CDC37L1: variants seen among roughly 807,000 people sequenced by gnomAD.
CDC37L1 encodes hsp90 co-chaperone Cdc37-like 1.
A neutral mutation model predicts 45.9 loss-of-function variants in CDC37L1; 32 were observed. The ratio of observed to expected loss-of-function variants is 0.70; its 90% CI spans 0.53 to 0.94. CDC37L1 has a LOEUF of 0.94. CDC37L1 is among the 40% of genes least tolerant of loss of function. CDC37L1 has a pLI of 0.00. For synonymous variants in CDC37L1, 150 were observed against 133.0 expected (o/e 1.13, Z -0.88); for missense variants, 434 against 405.7 (o/e 1.07, Z -0.60).
Position 4,694,960 on chromosome 9 carries a change from A to G in CDC37L1, c.509-2136A>G, listed in dbSNP as rs116326913. On this transcript the variant is annotated intron_variant, in intron 3 of 6. Coordinates refer to ENST00000381854, the MANE Select transcript of CDC37L1 (RefSeq NM_017913.4). ...CCTTTCATGTTATCCTTCCTGCAAA[A>G]TAAACCAGAATGGATAAGGCTTTTG... is the stretch of plus-strand genomic sequence containing the variant. Among the ~76,000 whole-genome samples, 180 of 152,318 alleles carry G rather than the reference A, an allele frequency of 1.2e-3. 2 individuals are homozygous for G. The highest frequency in any genetic ancestry group is 4.0e-3 in the African/African-American group (168 of 41,574).
chr9:4,687,202 C>T (rs761214683), intron 2 of CDC37L1, among the ~76,000 whole-genome samples: 2 of 151,924 alleles, frequency 1.3e-5, no homozygotes, highest in African/African-American at 4.8e-5. Context: ...GTGATGATAA[C>T]GGGGTATAAA....
At chr9:4,701,693 T>C (rs1278343846) in intron 5 of CDC37L1, among the ~76,000 whole-genome samples, 171 bp from the exon 6 acceptor site, 1 of 152,210 alleles carries the variant, frequency 6.6e-6, no homozygotes, top group African/African-American at 2.4e-5. Flanking sequence ...AATGTTCCTA[T>C]AAATCAGGTA....
At chr9:4,694,256 T>G (rs1841326678) in intron 3 of CDC37L1, among the ~76,000 whole-genome samples, 1 of 152,126 alleles carries the variant, frequency 6.6e-6, no homozygotes, top group African/African-American at 2.4e-5. Flanking sequence ...ATTATCTCAT[T>G]TTGTGTGGAG....
chr9:4,699,437 C>A (rs1434421598), intron 5 of CDC37L1, among the ~76,000 whole-genome samples: 1 of 152,096 alleles, frequency 6.6e-6, no homozygotes, highest in Non-Finnish European at 1.5e-5. Context: ...CCTGTATATT[C>A]ATTCTGTAAA....
rs1313029477 is a variant in CDC37L1, at chr9:4,682,329, A to ATTT, written c.132+2443_132+2445dup. Among the ~76,000 whole-genome samples the ATTT allele has an allele frequency of 2.4e-4, 22 of 92,846 alleles. 2 individuals are homozygous for ATTT. Among genetic ancestry groups the ATTT allele is most frequent in the African/African-American group, 1.1e-3 (19 of 16,556 alleles). 60.9% of individuals were successfully genotyped at this position (92,846 alleles called of 152,430 possible). A position where few individuals can be genotyped will look rare whatever the true frequency, so the allele number is the denominator to read the frequency against. On this transcript the variant is annotated intron_variant, in intron 1 of 6. Transcript: ENST00000381854. ...AGGTGCCCACCACTGTGCCCAGCTA[A>ATTT]TTTTTTTTTTTTTTTGAGATGGAGT... is the stretch of plus-strand genomic sequence containing the variant.
At chr9:4,693,776 T>C (rs1841322412) in intron 3 of CDC37L1, among the ~76,000 whole-genome samples, 1 of 152,244 alleles carries the variant, frequency 6.6e-6, no homozygotes, top group South Asian at 2.1e-4. Context: ...ATCGAGTATT[T>C]ACTATGTCTC....
chr9:4,704,645 T>G (rs965485440), intron 6 of CDC37L1, among the ~76,000 whole-genome samples: 13 of 152,220 alleles, frequency 8.5e-5, no homozygotes, highest in African/African-American at 3.1e-4. Context: ...GTCTTAAAGC[T>G]GTTTTTTTGG....
At position 4,706,591 on chromosome 9, in the gene CDC37L1, A is replaced by T. The variant is rs1841444263; in HGVS notation, c.*479A>T. On this transcript the variant is annotated 3_prime_UTR_variant, in exon 7 of 7. Transcript: ENST00000381854. ...TTCATCACATTAAAAGCAATAAATCAGTAGTTGGTAATGTACTTTACTAAA... is the reference window on the plus strand; with the variant it reads ...TTCATCACATTAAAAGCAATAAATCTGTAGTTGGTAATGTACTTTACTAAA... 6.5e-6 allele frequency: 1 copy of T among 152,910 alleles called. No individual in the cohort carries two copies. Among genetic ancestry groups the T allele is most frequent in the African/African-American group, 2.4e-5 (1 of 41,466 alleles). The allele number at this position is 152,910 out of a possible 1,614,324, so 9.5% of individuals were successfully genotyped here. A position where few individuals can be genotyped will look rare whatever the true frequency, so the allele number is the denominator to read the frequency against.
chr9:4,698,697 G>C (rs755156282), intron 5 of CDC37L1, among the ~76,000 whole-genome samples: 11 of 152,058 alleles, frequency 7.2e-5, no homozygotes, highest in Non-Finnish European at 1.5e-4. Context: ...TCTCAAGGTG[G>C]GGTCCAGGAA....
chr9:4,694,232 G>T (rs924650365), intron 3 of CDC37L1, among the ~76,000 whole-genome samples: 1 of 152,158 alleles, frequency 6.6e-6, no homozygotes, highest in Admixed American at 6.5e-5. Flanking sequence ...AGTGTACTCC[G>T]CCATGCCTGG....
intron 5 of CDC37L1, among the ~76,000 whole-genome samples, chr9:4,701,130 G>T (rs1428519461): frequency 6.6e-6 from 1 of 152,166 alleles, no homozygotes; most frequent in African/African-American, 2.4e-5. Flanking sequence ...CATTTGACAA[G>T]ATCTCTTCCA....
intron 2 of CDC37L1, among the ~76,000 whole-genome samples, chr9:4,686,226 T>C (rs1166428711): frequency 4.6e-5 from 7 of 152,182 alleles, no homozygotes; most frequent in Non-Finnish European, 8.8e-5. Flanking sequence ...ACTTTTTTAA[T>C]TGCCTTTCCC....
chr9:4,684,592 A>T (rs1841229368), intron 1 of CDC37L1, among the ~76,000 whole-genome samples: 1 of 152,202 alleles, frequency 6.6e-6, no homozygotes, highest in Admixed American at 6.5e-5. Context: ...GAAGACTATT[A>T]ATTAAACGTT....
chr9:4,704,499 T>C (rs1841426129), intron 6 of CDC37L1, among the ~76,000 whole-genome samples: 1 of 152,334 alleles, frequency 6.6e-6, no homozygotes, highest in African/African-American at 2.4e-5. Flanking sequence ...CTTAGGAAGA[T>C]GGGTGGATGA....
In CDC37L1 at chr9:4,701,893, CA is replaced by C; in HGVS notation, c.782del (p.Asn261MetfsTer10). 1 of 1,601,404 alleles carries C rather than the reference CA, an allele frequency of 6.2e-7. No individual in the cohort carries two copies. The highest frequency in any genetic ancestry group is 1.7e-5 in the Admixed American group (1 of 57,998). The part of the protein sequence containing the change: ...AEEEGYFEAF[K>X]NELEAFKSRV... ...AGGAAGAAGGTTATTTTGAAGCATT[CA>C]AAAATGAACTTGAAGCTTTCAAGTC... On this transcript the variant is annotated frameshift_variant, in exon 6 of 7. Coordinates refer to ENST00000381854, the MANE Select transcript of CDC37L1 (RefSeq NM_017913.4). LOFTEE classifies it high-confidence loss of function.
chr9:4,691,618 C>A (rs1841301754), intron 3 of CDC37L1, among the ~76,000 whole-genome samples: 1 of 151,828 alleles, frequency 6.6e-6, no homozygotes, highest in South Asian at 2.1e-4. Flanking sequence ...GGCTTTACAC[C>A]CATGTTTCTC....
Position 4,684,743 on chromosome 9 carries a change from C to A in CDC37L1, c.133-134C>A, listed in dbSNP as rs553195149. 83 of 603,740 alleles carry A rather than the reference C, an allele frequency of 1.4e-4. No individual in the cohort carries two copies. The African/African-American group carries it at 1.4e-3, about 10-fold the overall frequency. The allele number at this position is 603,740 out of a possible 1,614,324, so 37.4% of individuals were successfully genotyped here. A position where few individuals can be genotyped will look rare whatever the true frequency, so the allele number is the denominator to read the frequency against. The stretch of plus-strand genomic sequence containing the variant: ...CAAGGACTAAGATATAAAAACATGA[C>A]TGCAGACCTAGAACACAGGATATAC... On this transcript the variant is annotated intron_variant, in intron 1 of 6. Transcript: ENST00000381854.
At chr9:4,680,584 G>A (rs955590165) in intron 1 of CDC37L1, among the ~76,000 whole-genome samples, 1 of 149,660 alleles carries the variant, frequency 6.7e-6, no homozygotes. Flanking sequence ...CAGCATTCCT[G>A]CCTTCCTGCG....
intron 5 of CDC37L1, among the ~76,000 whole-genome samples, chr9:4,698,612 T>C (rs1298983471): frequency 6.6e-6 from 1 of 152,020 alleles, no homozygotes; most frequent in Non-Finnish European, 1.5e-5. Flanking sequence ...TTAAAAAATT[T>C]CCTAGTAAAG....
Sources: allele counts gnomAD v4.1 joint callset (sites outside exome capture counted in the v4.1 genomes callset), GRCh38; gene constraint gnomAD v4.1.1; transcripts MANE v1.5; gene names NCBI Gene and HGNC (gene_info 2026-07-23, HGNC 2026-07-21).